Variants in GAB2 observed in about 807,000 individuals in gnomAD.
GAB2 encodes the protein GRB2-associated-binding protein 2.
A neutral mutation model predicts 65.5 loss-of-function variants in GAB2; 26 were observed. That is an observed-to-expected ratio of 0.40 (90% CI 0.29 to 0.55). The LOEUF (loss-of-function observed/expected upper bound fraction) is 0.55. GAB2 is among the 20% of genes least tolerant of loss of function. The pLI is 0.53. For missense variants in GAB2, 884 were observed against 875.8 expected (o/e 1.01, Z -0.12); for synonymous variants, 321 against 329.6 (o/e 0.97, Z 0.28).
rs776011061 is a variant in GAB2 at position 78,226,476 on chromosome 11, C to T, written c.1196G>A (p.Arg399Gln). ...RNTLPAMDNS[R>Q]LHRASSCETY... ...GGACTTATACTGACCTCGGTGAAGT[C>T]GGCTGTTGTCCATTGCAGGGAGGGT... The change falls in exon 4 of 10, where the codon CGA (arginine) becomes CAA (glutamine). Residue 399 changes from arginine (R) to glutamine (Q), a missense_variant. Coordinates refer to ENST00000361507, the MANE Select transcript of GAB2 (RefSeq NM_080491.3). The T allele has an allele frequency of 3.7e-5, 59 of 1,612,966 alleles. No homozygotes were observed. Among genetic ancestry groups the T allele is most frequent in the Middle Eastern group, 1.6e-4 (1 of 6,082 alleles).
chr11:78,323,408 G>C (rs55808581), intron 1 of GAB2, among the ~76,000 whole-genome samples: 24,722 of 151,940 alleles, frequency 0.16, 2,579 homozygotes, highest in East Asian at 0.41. Context: ...TACTTGAGAG[G>C]CTGGGGCAGG....
At chr11:78,384,509 T>C (rs1264098363) in intron 1 of GAB2, among the ~76,000 whole-genome samples, 1 of 152,186 alleles carries the variant, frequency 6.6e-6, no homozygotes, top group Admixed American at 6.5e-5. Context: ...CTGACCATCC[T>C]GCCAAAGGGG....
At chr11:78,368,310 A>C (rs983333687) in intron 1 of GAB2, among the ~76,000 whole-genome samples, 3 of 152,232 alleles carry the variant, frequency 2.0e-5, no homozygotes, top group Non-Finnish European at 2.9e-5. Flanking sequence ...AATACTGTTC[A>C]TGAATATGAT....
intron 1 of GAB2, among the ~76,000 whole-genome samples, chr11:78,367,616 G>A (rs1487775898): frequency 5.9e-5 from 9 of 152,142 alleles, no homozygotes; most frequent in South Asian, 2.1e-4. Flanking sequence ...TCAGGCTAAA[G>A]ATACCAGTCT....
intron 1 of GAB2, among the ~76,000 whole-genome samples, chr11:78,307,853 G>C (rs552089670): frequency 9.8e-5 from 15 of 152,306 alleles, no homozygotes; most frequent in Admixed American, 9.8e-4. Context: ...CAGATAGCTG[G>C]TAAAGCATTA....
chr11:78,375,205 C>T (rs1197412009), intron 1 of GAB2, among the ~76,000 whole-genome samples: 1 of 152,158 alleles, frequency 6.6e-6, no homozygotes, highest in Non-Finnish European at 1.5e-5. Context: ...CCACTATGCC[C>T]TGCTAATATT....
rs1286595043 is a variant in GAB2, at chr11:78,216,818, G to GC, written c.*2453dup. The GC allele has an allele frequency of 1.3e-5, 2 of 152,200 alleles. No individual in the cohort carries two copies. Among genetic ancestry groups the GC allele is most frequent in the African/African-American group, 4.8e-5 (2 of 41,434 alleles). 9.4% of individuals were successfully genotyped at this position (152,200 alleles called of 1,614,324 possible). A position where few individuals can be genotyped will look rare whatever the true frequency, so the allele number is the denominator to read the frequency against. ...CCAGTTAAAAGCTCTGTCGTATGGGGCCCCTTGTAGGGGGCCTTTAAGGCA... is the reference window on the plus strand; with the variant it reads ...CCAGTTAAAAGCTCTGTCGTATGGGGCCCCCTTGTAGGGGGCCTTTAAGGCA... On this transcript the variant is annotated 3_prime_UTR_variant, in exon 10 of 10. Transcript: ENST00000361507.
chr11:78,228,696 C>A (rs900887257), intron 3 of GAB2, among the ~76,000 whole-genome samples: 1 of 152,172 alleles, frequency 6.6e-6, no homozygotes, highest in Non-Finnish European at 1.5e-5. Flanking sequence ...CAAACCTTCA[C>A]TGATGCTCCT....
At chr11:78,406,666 A>G (rs1565187854) in intron 1 of GAB2, among the ~76,000 whole-genome samples, 1 of 152,166 alleles carries the variant, frequency 6.6e-6, no homozygotes, top group Non-Finnish European at 1.5e-5. Flanking sequence ...GTGTGAGCCA[A>G]AAATGTCCAG....
intron 5 of GAB2, 116 bp from the exon 6 acceptor site, chr11:78,223,792 AG>A: frequency 2.3e-6 from 2 of 880,068 alleles, no homozygotes; most frequent in Non-Finnish European, 1.7e-6. Flanking sequence ...TATACTTTGA[AG>A]CTGTAAGGGA....
intron 1 of GAB2, among the ~76,000 whole-genome samples, chr11:78,416,871 A>T (rs1857203640): frequency 1.3e-5 from 2 of 151,614 alleles, no homozygotes; most frequent in Non-Finnish European, 2.9e-5. Context: ...TAGAGGGAAA[A>T]GGCTGTTCCA....
intron 1 of GAB2, among the ~76,000 whole-genome samples, chr11:78,300,437 G>A (rs189127354): frequency 1.8e-4 from 28 of 151,450 alleles, no homozygotes; most frequent in Non-Finnish European, 1.9e-4. Context: ...TTTTTTGTGA[G>A]CATAGGTTTT....
At chr11:78,350,442 T>A (rs1036662888) in intron 1 of GAB2, among the ~76,000 whole-genome samples, 8 of 152,146 alleles carry the variant, frequency 5.3e-5, no homozygotes, top group African/African-American at 1.7e-4. Flanking sequence ...AAATATAATC[T>A]CCCTAAACCC....
chr11:78,303,616 T>G (rs1399972632), intron 1 of GAB2, among the ~76,000 whole-genome samples: 1 of 152,200 alleles, frequency 6.6e-6, no homozygotes, highest in Non-Finnish European at 1.5e-5. Flanking sequence ...AACTTTGTTC[T>G]TTTTCAAAGT....
At chr11:78,385,189 T>C (rs969057866) in intron 1 of GAB2, among the ~76,000 whole-genome samples, 29 of 152,218 alleles carry the variant, frequency 1.9e-4, no homozygotes, top group African/African-American at 6.8e-4. Flanking sequence ...ACACAGGGTA[T>C]AGAAATGGCA....
chr11:78,337,741 C>T (rs1856025995), intron 1 of GAB2, among the ~76,000 whole-genome samples: 1 of 152,202 alleles, frequency 6.6e-6, no homozygotes, highest in Non-Finnish European at 1.5e-5. Flanking sequence ...TTCCGTAAGA[C>T]ACATTCTGTG....
At chr11:78,407,490 G>C (rs1374340851) in intron 1 of GAB2, among the ~76,000 whole-genome samples, 1 of 151,804 alleles carries the variant, frequency 6.6e-6, no homozygotes, top group East Asian at 1.9e-4. Context: ...AAAATTAGCT[G>C]GGCGTGGTGG....
chr11:78,273,482 G>C (rs1866078708), intron 2 of GAB2, among the ~76,000 whole-genome samples: 2 of 152,202 alleles, frequency 1.3e-5, no homozygotes, highest in Non-Finnish European at 1.5e-5. Flanking sequence ...TAGCCCCTTT[G>C]TTTTGGCCAA....
chr11:78,231,285 A>G (rs1324372241), intron 3 of GAB2, among the ~76,000 whole-genome samples: 1 of 151,968 alleles, frequency 6.6e-6, no homozygotes, highest in Non-Finnish European at 1.5e-5. Context: ...GAGGCTATAG[A>G]GGCTATTGCC....
Sources: allele counts gnomAD v4.1 joint callset (sites outside exome capture counted in the v4.1 genomes callset), GRCh38; gene constraint gnomAD v4.1.1; transcripts MANE v1.5; gene names NCBI Gene and HGNC (gene_info 2026-07-23, HGNC 2026-07-21).